ESRRG: variants seen among roughly 807,000 people sequenced by gnomAD.
ESRRG encodes estrogen-related receptor gamma.
ESRRG carries 13 observed loss-of-function variants against 44.0 expected under a neutral mutation model. The observed-to-expected ratio is 0.30, with a 90% CI of 0.19 to 0.47. The LOEUF (loss-of-function observed/expected upper bound fraction) is 0.47. ESRRG is among the 20% of genes least tolerant of loss of function. ESRRG has a pLI of 1.00. For missense variants in ESRRG, 395 were observed against 580.6 expected, an observed-to-expected ratio of 0.68 and a Z score of 3.29; for synonymous variants, 215 against 214.6, an observed-to-expected ratio of 1.00 and a Z score of -0.02.
At chr1:217,050,345 G>C (rs1024803414) in intron 1 of ESRRG, among the ~76,000 whole-genome samples, 4 of 152,160 alleles carry the variant, frequency 2.6e-5, no homozygotes, top group African/African-American at 9.7e-5. Flanking sequence ...CCCTTCTCCA[G>C]AAAAACTACA....
intron 1 of ESRRG, among the ~76,000 whole-genome samples, chr1:216,955,283 A>G (rs148038369): frequency 6.4e-4 from 98 of 152,272 alleles, no homozygotes; most frequent in African/African-American, 2.2e-3. Flanking sequence ...GTGTAAGAAC[A>G]TCCAGGGTAT....
intron 1 of ESRRG, among the ~76,000 whole-genome samples, chr1:217,124,881 G>A (rs982229276): frequency 1.3e-5 from 2 of 152,192 alleles, no homozygotes; most frequent in Non-Finnish European, 2.9e-5. Context: ...CAGCTTCTGT[G>A]TAAAGAGATG....
intron 3 of ESRRG, among the ~76,000 whole-genome samples, chr1:216,606,773 C>G (rs1364268027): frequency 6.6e-6 from 1 of 152,078 alleles, no homozygotes; most frequent in Admixed American, 6.5e-5. Context: ...GTAACACATA[C>G]ATACAGAAAG....
At chr1:216,880,021 AACTAGGCTGGGCATGGTGGCTC>A (rs2096417600) in intron 2 of ESRRG, among the ~76,000 whole-genome samples, 1 of 152,064 alleles carries the variant, frequency 6.6e-6, no homozygotes, top group South Asian at 2.1e-4. Context: ...TAAAAAGATA[AACTAGGCTGGGCATGGTGGCTC>A]ACATCTGTCA....
intron 1 of ESRRG, among the ~76,000 whole-genome samples, chr1:217,035,463 C>A (rs2082728452): frequency 6.6e-6 from 1 of 151,792 alleles, no homozygotes; most frequent in Non-Finnish European, 1.5e-5. Flanking sequence ...CTCAATATTG[C>A]CAGTGTCAAA....
At chr1:216,527,394 T>C (rs1358243787) in intron 5 of ESRRG, among the ~76,000 whole-genome samples, 2 of 152,166 alleles carry the variant, frequency 1.3e-5, no homozygotes, top group South Asian at 2.1e-4. Flanking sequence ...CTTTAAAATA[T>C]GAAACCTATG....
intron 1 of ESRRG, among the ~76,000 whole-genome samples, chr1:217,021,259 C>T (rs932466219): frequency 2.6e-5 from 4 of 152,130 alleles, no homozygotes; most frequent in Non-Finnish European, 4.4e-5. Flanking sequence ...CATGGTGAGC[C>T]ATTCACAATC....
intron 2 of ESRRG, among the ~76,000 whole-genome samples, chr1:216,784,149 T>C (rs2094036457): frequency 6.6e-6 from 1 of 150,664 alleles, no homozygotes; most frequent in South Asian, 2.1e-4. Context: ...ATATTATTCC[T>C]CTGAGAGTTT....
chr1:217,080,378 GGAGGT>G (rs1259823218), intron 1 of ESRRG, among the ~76,000 whole-genome samples: 1 of 152,084 alleles, frequency 6.6e-6, no homozygotes, highest in East Asian at 1.9e-4. Context: ...ATGATGGTTT[GGAGGT>G]TATATGTGGC....
chr1:216,550,880 G>A (rs943391424), intron 5 of ESRRG, among the ~76,000 whole-genome samples: 1 of 152,132 alleles, frequency 6.6e-6, no homozygotes, highest in Non-Finnish European at 1.5e-5. Flanking sequence ...TGCATATAGA[G>A]TTTAAGAACA....
At chr1:216,759,477 C>T (rs568958756) in intron 2 of ESRRG, among the ~76,000 whole-genome samples, 16 of 152,154 alleles carry the variant, frequency 1.1e-4, no homozygotes, top group South Asian at 2.1e-4. Context: ...GCCTTTAAAC[C>T]TTTGCCTGCT....
intron 2 of ESRRG, among the ~76,000 whole-genome samples, chr1:216,761,475 A>C (rs2152343147): frequency 6.6e-6 from 1 of 152,226 alleles, no homozygotes; most frequent in Non-Finnish European, 1.5e-5. Flanking sequence ...AATGATCCAT[A>C]ATTTCATTGT....
At chr1:217,134,605 G>A (rs1284529151) in intron 1 of ESRRG, among the ~76,000 whole-genome samples, 2 of 152,216 alleles carry the variant, frequency 1.3e-5, no homozygotes, top group African/African-American at 2.4e-5. Flanking sequence ...AGGCGGGAAA[G>A]GGCACTTTGA....
intron 6 of ESRRG, among the ~76,000 whole-genome samples, chr1:216,516,241 G>A (rs1051283437): frequency 6.6e-6 from 1 of 152,064 alleles, no homozygotes; most frequent in African/African-American, 2.4e-5. Context: ...ATTATTTAGG[G>A]TTTTCAAAGA....
chr1:216,977,457 C>T (rs1013716905), intron 1 of ESRRG, among the ~76,000 whole-genome samples: 1 of 151,800 alleles, frequency 6.6e-6, no homozygotes, highest in Non-Finnish European at 1.5e-5. Context: ...CTTTATTTTA[C>T]TTAATATTTG....
chr1:216,782,319 A>T (rs1013088649), intron 2 of ESRRG, among the ~76,000 whole-genome samples: 1 of 152,006 alleles, frequency 6.6e-6, no homozygotes, highest in African/African-American at 2.4e-5. Context: ...ACCTGTGAGT[A>T]ATGGCATGAT....
At chr1:216,771,449 C>T (rs17043771) in intron 2 of ESRRG, among the ~76,000 whole-genome samples, 205 of 152,196 alleles carry the variant, frequency 1.3e-3, no homozygotes, top group African/African-American at 4.8e-3. Context: ...AGAAGAACCT[C>T]GCCCTAAGGG....
chr1:216,628,256 T>C (rs2063525722), intron 3 of ESRRG, among the ~76,000 whole-genome samples: 1 of 152,210 alleles, frequency 6.6e-6, no homozygotes, highest in Non-Finnish European at 1.5e-5. Context: ...TATTTGTTCA[T>C]CCATTCATTC....
intron 3 of ESRRG, among the ~76,000 whole-genome samples, chr1:216,628,661 C>A (rs2063592943): frequency 6.6e-6 from 1 of 152,160 alleles, no homozygotes; most frequent in African/African-American, 2.4e-5. Context: ...TACCCTGATG[C>A]CAACACCATT....
Sources: allele counts gnomAD v4.1 joint callset (sites outside exome capture counted in the v4.1 genomes callset), GRCh38; gene constraint gnomAD v4.1.1; transcripts MANE v1.5; gene names NCBI Gene and HGNC (gene_info 2026-07-23, HGNC 2026-07-21).